The following DLGAP2 variants were observed in gnomAD, a reference collection of about 807,000 sequenced individuals.
The protein encoded by DLGAP2 is disks large-associated protein 2.
DLGAP2 carries 26 observed loss-of-function variants against 100.3 expected under a neutral mutation model. The observed-to-expected ratio is 0.26, with a 90% CI of 0.19 to 0.36. The LOEUF is 0.36. Among genes scored for constraint, DLGAP2 ranks in the 10% least tolerant of loss-of-function variants. DLGAP2 has a pLI of 1.00. For synonymous variants in DLGAP2, 886 were observed against 630.1 expected (o/e 1.41, Z -6.08); for missense variants, 1,858 against 1,453.2 (o/e 1.28, Z -4.53).
At chr8:987,636 T>C (rs533564789) in intron 2 of DLGAP2, among the ~76,000 whole-genome samples, 12 of 152,330 alleles carry the variant, frequency 7.9e-5, no homozygotes, top group African/African-American at 2.6e-4. Flanking sequence ...TTCCTGGTCT[T>C]ACTGCAGCTC....
At chr8:806,659 A>G (rs1796276510) in intron 1 of DLGAP2, among the ~76,000 whole-genome samples, 1 of 152,072 alleles carries the variant, frequency 6.6e-6, no homozygotes. Flanking sequence ...CCAGCGCTCC[A>G]TTTCCTTTCT....
At chr8:1,321,109 C>A (rs543250126) in intron 3 of DLGAP2, among the ~76,000 whole-genome samples, 182 of 150,858 alleles carry the variant, frequency 1.2e-3, no homozygotes, top group Non-Finnish European at 2.1e-3. Context: ...CCATGTGCCT[C>A]TGTGTGTGTG....
chr8:1,429,343 C>A (rs1203496383), intron 3 of DLGAP2, among the ~76,000 whole-genome samples: 1 of 152,084 alleles, frequency 6.6e-6, no homozygotes, highest in Non-Finnish European at 1.5e-5. Flanking sequence ...GGGGCCATCC[C>A]AGCCCATTGG....
At chr8:1,518,661 C>T (rs890664947) in intron 4 of DLGAP2, among the ~76,000 whole-genome samples, 8 of 152,142 alleles carry the variant, frequency 5.3e-5, no homozygotes, top group Admixed American at 2.6e-4. Flanking sequence ...TTTGGTTCTC[C>T]CTGCCATGGA....
Position 1,098,910 on chromosome 8 carries a change from C to T in DLGAP2, c.74-159941C>T, listed in dbSNP as rs189278367. On this transcript the variant is annotated intron_variant, in intron 2 of 14. Coordinates refer to ENST00000637795, the MANE Select transcript of DLGAP2 (RefSeq NM_001346810.2). The stretch of plus-strand genomic sequence containing the variant: ...TTTGAACATCACACAAATCACAGAA[C>T]GACTTTGCTATTGCTTTTTACCAAA... 8.5e-4 allele frequency among the ~76,000 whole-genome samples: 129 copies of T among 152,258 alleles called. 1 individual carries two copies. The East Asian group carries it at 0.019, about 22-fold the overall frequency.
chr8:1,295,656 G>C lies in DLGAP2; in HGVS notation c.106+36773G>C, dbSNP rs189950613. On this transcript the variant is annotated intron_variant, in intron 3 of 14. Coordinates refer to ENST00000637795, the MANE Select transcript of DLGAP2 (RefSeq NM_001346810.2). ...ATCCCAAAGGGCTTTGAAGTGTTTC[G>C]TAAAAGCCAATTTGGATCCTTTAAA... Among the ~76,000 whole-genome samples, 179 of 152,280 alleles carry C rather than the reference G, an allele frequency of 1.2e-3. 3 individuals carry two copies. The highest frequency in any genetic ancestry group is 4.0e-3 in the African/African-American group (168 of 41,552).
intron 4 of DLGAP2, among the ~76,000 whole-genome samples, chr8:1,526,298 G>A (rs972497736): frequency 2.0e-5 from 3 of 151,814 alleles, no homozygotes; most frequent in South Asian, 2.1e-4. Flanking sequence ...CCTCACCTGC[G>A]TTAACCTTCC....
At chr8:1,432,693 T>C (rs956778604) in intron 3 of DLGAP2, among the ~76,000 whole-genome samples, 8 of 152,250 alleles carry the variant, frequency 5.3e-5, no homozygotes, top group African/African-American at 1.7e-4. Flanking sequence ...GTGTCTGTCA[T>C]GTCGGCATGC....
At chr8:815,882 G>T (rs1160996755) in intron 1 of DLGAP2, among the ~76,000 whole-genome samples, 1 of 152,144 alleles carries the variant, frequency 6.6e-6, no homozygotes, top group Non-Finnish European at 1.5e-5. Flanking sequence ...TTATAAATTT[G>T]GGAGCTTCAG....
intron 1 of DLGAP2, among the ~76,000 whole-genome samples, chr8:838,614 G>C (rs182889801): frequency 6.6e-6 from 1 of 151,412 alleles, no homozygotes; most frequent in Non-Finnish European, 1.5e-5. Flanking sequence ...AGTGCTCAGG[G>C]ACACCAAAAA....
intron 2 of DLGAP2, among the ~76,000 whole-genome samples, chr8:1,165,323 A>G (rs529950536): frequency 6.6e-6 from 1 of 152,140 alleles, no homozygotes; most frequent in Non-Finnish European, 1.5e-5. Flanking sequence ...GAGCACGCGC[A>G]TACAGCATCA....
intron 1 of DLGAP2, among the ~76,000 whole-genome samples, chr8:781,173 T>TG (rs1187194868): frequency 1.3e-5 from 2 of 152,198 alleles, no homozygotes; most frequent in African/African-American, 4.8e-5. Context: ...TATTAAAACT[T>TG]CATACTTATT....
intron 3 of DLGAP2, among the ~76,000 whole-genome samples, chr8:1,304,898 A>G (rs1345075017): frequency 6.6e-6 from 1 of 152,248 alleles, no homozygotes; most frequent in African/African-American, 2.4e-5. Context: ...CGCATTTGAT[A>G]TAATCATCTG....
At chr8:1,316,054 A>G (rs1800735869) in intron 3 of DLGAP2, among the ~76,000 whole-genome samples, 2 of 139,742 alleles carry the variant, frequency 1.4e-5, no homozygotes, top group East Asian at 2.1e-4. Flanking sequence ...TTTTAAAAAT[A>G]GAGCGTGTGT....
chr8:1,307,084 C>G (rs1186208241), intron 3 of DLGAP2, among the ~76,000 whole-genome samples: 1 of 151,936 alleles, frequency 6.6e-6, no homozygotes. Context: ...ACACTTTCAG[C>G]TGAATGAAAG....
intron 3 of DLGAP2, among the ~76,000 whole-genome samples, chr8:1,272,667 G>C (rs1266620482): frequency 6.6e-6 from 1 of 152,162 alleles, no homozygotes; most frequent in African/African-American, 2.4e-5. Flanking sequence ...AGATTCGTTT[G>C]ACAACTGGTG....
intron 4 of DLGAP2, among the ~76,000 whole-genome samples, chr8:1,538,675 T>A (rs1474963256): frequency 6.6e-6 from 1 of 152,110 alleles, no homozygotes; most frequent in Non-Finnish European, 1.5e-5. Context: ...CTGGCCCTCT[T>A]TTCTAGGAAT....
At chr8:1,295,299 A>G (rs556748316) in intron 3 of DLGAP2, among the ~76,000 whole-genome samples, 2 of 152,278 alleles carry the variant, frequency 1.3e-5, no homozygotes, top group South Asian at 4.2e-4. Context: ...ACATTTGCAT[A>G]TTGAAGATGA....
At chr8:1,338,518 T>C (rs1000216998) in intron 3 of DLGAP2, among the ~76,000 whole-genome samples, 16 of 152,240 alleles carry the variant, frequency 1.1e-4, no homozygotes, top group African/African-American at 3.4e-4. Flanking sequence ...ATACAGAATA[T>C]GTTTTGGGGT....
Sources: allele counts gnomAD v4.1 joint callset (sites outside exome capture counted in the v4.1 genomes callset), GRCh38; gene constraint gnomAD v4.1.1; transcripts MANE v1.5; gene names NCBI Gene and HGNC (gene_info 2026-07-23, HGNC 2026-07-21).